The following GRIK5 variants were observed in gnomAD, a reference collection of about 807,000 sequenced individuals.
GRIK5 encodes glutamate receptor ionotropic, kainate 5.
Under a neutral mutation model 97.4 loss-of-function variants are expected in GRIK5, and 43 were observed. The ratio of observed to expected loss-of-function variants is 0.44; its 90% CI spans 0.35 to 0.57. The LOEUF (loss-of-function observed/expected upper bound fraction) is 0.57, where lower values mean the gene tolerates loss of function less well. Ranked by LOEUF, GRIK5 falls within the 20% of genes least tolerant of loss-of-function variation. GRIK5 has a pLI of 0.01. For synonymous variants in GRIK5, 580 were observed against 583.5 expected (o/e 0.99, Z 0.09); for missense variants, 1,015 against 1,382.0 (o/e 0.73, Z 4.21).
intron 11 of GRIK5, among the ~76,000 whole-genome samples, chr19:42,046,023 C>T (rs1177503372): frequency 6.6e-6 from 1 of 152,122 alleles, no homozygotes; most frequent in Non-Finnish European, 1.5e-5. Context: ...ACTGAGAATC[C>T]TAGAGACAAG....
chr19:42,034,828 T>C lies in GRIK5; in HGVS notation c.1473+7724A>G, dbSNP rs552742881. 1.2e-3 allele frequency among the ~76,000 whole-genome samples: 153 copies of C among 131,354 alleles called. 1 individual carries two copies. The South Asian group carries it at 0.027, about 23-fold the overall frequency. The allele number at this position is 131,354 out of a possible 152,430, so 86.2% of individuals were successfully genotyped here. ...ATATTAATATATCATACGCTGTCAG[T>C]TTCCCCCACTAGAACATCAGCAGTT... is the stretch of plus-strand genomic sequence containing the variant. On this transcript the variant is annotated intron_variant, in intron 12 of 19. Transcript: ENST00000593562.
rs377386075 is a variant in GRIK5 at position 42,003,542 on chromosome 19, C to T, written c.2392+13G>A. 127 of 1,607,790 alleles carry T rather than the reference C, an allele frequency of 7.9e-5. No homozygotes were observed. The highest frequency in any genetic ancestry group is 1.7e-4 in the Middle Eastern group (1 of 6,058). On this transcript the variant is annotated intron_variant, in intron 18 of 19. Coordinates refer to ENST00000593562, the MANE Select transcript of GRIK5 (RefSeq NM_002088.5). This position sits in a 1 kb window ranked among gnomAD's most constrained non-coding sequence, Gnocchi z 4.2. ...GGGGCTATGGGAAGGGGACACCATA[C>T]GCGGGAACTGACCTTTAGCTCGATG...
Position 42,021,576 on chromosome 19 carries a change from A to G in GRIK5, c.1698-102T>C. The G allele has an allele frequency of 7.3e-6, 7 of 960,884 alleles. No homozygotes were observed. Among genetic ancestry groups the G allele is most frequent in the Non-Finnish European group, 1.5e-6 (1 of 663,804 alleles). 59.5% of individuals were successfully genotyped at this position (960,884 alleles called of 1,614,324 possible). A position where few individuals can be genotyped will look rare whatever the true frequency, so the allele number is the denominator to read the frequency against. ...CACAGTGATCAGAAGAAAGGGGGAG[A>G]GATGGAAAAAGGAGCAAGATGGACA... On this transcript the variant is annotated intron_variant, in intron 14 of 19. Transcript: ENST00000593562. This position sits in a 1 kb window ranked among gnomAD's most constrained non-coding sequence, Gnocchi z 4.2.
intron 15 of GRIK5, among the ~76,000 whole-genome samples, chr19:42,009,572 A>C (rs1282321554): frequency 6.6e-6 from 1 of 152,008 alleles, no homozygotes; most frequent in Non-Finnish European, 1.5e-5. Context: ...GTTTGCGACC[A>C]GCCTGACTAA....
At chr19:42,014,433 T>G (rs1050925099) in intron 15 of GRIK5, among the ~76,000 whole-genome samples, 1 of 151,618 alleles carries the variant, frequency 6.6e-6, no homozygotes, top group Non-Finnish European at 1.5e-5. Context: ...TCTGGCCCAA[T>G]GCAGAAAAAA....
rs781941247 is a variant in GRIK5, at chr19:42,002,396, G to A, written c.2514+936C>T. The A allele has an allele frequency of 1.8e-5, 13 of 717,644 alleles. No homozygotes were observed. The highest frequency in any genetic ancestry group is 1.8e-4 in the South Asian group (12 of 67,596). 44.5% of individuals were successfully genotyped at this position (717,644 alleles called of 1,614,324 possible). ...AGAGAGGACAACTGATGCTGCAGGAGGAAAGGACAGACTTGCCGGAGGGAT... is the reference window on the plus strand; with the variant it reads ...AGAGAGGACAACTGATGCTGCAGGAAGAAAGGACAGACTTGCCGGAGGGAT... On this transcript the variant is annotated intron_variant, in intron 19 of 19. Transcript: ENST00000593562. This position sits in a 1 kb window ranked among gnomAD's most constrained non-coding sequence, Gnocchi z 5.2.
Position 42,065,857 on chromosome 19 carries a change from A to G in GRIK5, c.-50-37T>C. On this transcript the variant is annotated intron_variant, in intron 1 of 19. Coordinates refer to ENST00000593562, the MANE Select transcript of GRIK5 (RefSeq NM_002088.5). This position sits in a 1 kb window ranked among gnomAD's most constrained non-coding sequence, Gnocchi z 5.8. ...CCCCCCAGACCAAGGGGAGATTACT[A>G]TGTGGTGGGATGGAACCCCTTGGAG... is the stretch of plus-strand genomic sequence containing the variant. 3 of 1,074,160 alleles carry G rather than the reference A, an allele frequency of 2.8e-6. No individual in the cohort carries two copies. The highest frequency in any genetic ancestry group is 1.4e-6 in the Non-Finnish European group (1 of 728,818). 66.5% of individuals were successfully genotyped at this position (1,074,160 alleles called of 1,614,324 possible).
chr19:42,023,084 G>GA (rs892373804), intron 12 of GRIK5, among the ~76,000 whole-genome samples: 4 of 152,032 alleles, frequency 2.6e-5, no homozygotes, highest in African/African-American at 9.7e-5. Flanking sequence ...GGCACAGGCT[G>GA]AAAACAAAAT....
rs534215741 is a variant in GRIK5, at chr19:42,011,452, C to T, written c.1872-4642G>A. Among the ~76,000 whole-genome samples, 19 of 151,070 alleles carry T rather than the reference C, an allele frequency of 1.3e-4. No homozygotes were observed. In the East Asian group the frequency reaches 3.7e-3, roughly 30 times the overall value. On this transcript the variant is annotated intron_variant, in intron 15 of 19. Coordinates refer to ENST00000593562, the MANE Select transcript of GRIK5 (RefSeq NM_002088.5). Reference sequence around the variant, plus strand: ...CCTGTGGTCCCAGCTACTCGGGAGGCTGAGGCAGAAGAATGGCATGAACCC... The same window carrying T: ...CCTGTGGTCCCAGCTACTCGGGAGGTTGAGGCAGAAGAATGGCATGAACCC...
chr19:42,038,593 C>A (rs1262514864), intron 12 of GRIK5, among the ~76,000 whole-genome samples: 1 of 152,248 alleles, frequency 6.6e-6, no homozygotes, highest in Admixed American at 6.5e-5. Context: ...GCCACTCCAT[C>A]AGTGTACTCC....
chr19:42,000,518 C>T (rs1746481456), intron 19 of GRIK5, among the ~76,000 whole-genome samples: 1 of 152,178 alleles, frequency 6.6e-6, no homozygotes, highest in South Asian at 2.1e-4. Context: ...TGGGCAGAAG[C>T]CCAATGTTGG....
intron 3 of GRIK5, chr19:42,063,153 T>C (rs1247631177): frequency 8.1e-6 from 4 of 492,634 alleles, no homozygotes; most frequent in African/African-American, 7.7e-5. Flanking sequence ...CTACAAAGCC[T>C]GTGCCTAGTC....
At chr19:42,011,141 A>ACC (rs1316780998) in intron 15 of GRIK5, among the ~76,000 whole-genome samples, 4 of 150,898 alleles carry the variant, frequency 2.7e-5, no homozygotes, top group Non-Finnish European at 5.9e-5. Context: ...ACACACACAC[A>ACC]CCCCTAATGT....
rs1361605059 is a variant in GRIK5, at chr19:42,062,457, A to G, written c.508+31T>C. On this transcript the variant is annotated intron_variant, in intron 5 of 19. Coordinates refer to ENST00000593562, the MANE Select transcript of GRIK5 (RefSeq NM_002088.5). This position sits in a 1 kb window ranked among gnomAD's most constrained non-coding sequence, Gnocchi z 5.3. ...CTCTTGGGAAGGGGTGTCTGGGGGA[A>G]CAGAAAACAAAACATTCAGTTCTCC... is the stretch of plus-strand genomic sequence containing the variant. 6.2e-7 allele frequency: 1 copy of G among 1,611,428 alleles called. No individual in the cohort carries two copies. The highest frequency in any genetic ancestry group is 8.5e-7 in the Non-Finnish European group (1 of 1,178,376).
chr19:42,049,602 G>A (rs2076086543), intron 11 of GRIK5, among the ~76,000 whole-genome samples: 1 of 152,160 alleles, frequency 6.6e-6, no homozygotes, highest in Non-Finnish European at 1.5e-5. Context: ...AAGCTGAGAT[G>A]GGGGTTAGCC....
intron 1 of GRIK5, among the ~76,000 whole-genome samples, chr19:42,067,306 TA>T (rs2076348123): frequency 6.6e-6 from 1 of 152,200 alleles, no homozygotes. Flanking sequence ...CTGCAAAACC[TA>T]GGCTGGGGAT....
chr19:42,063,982 A>G (rs960070232), intron 3 of GRIK5, among the ~76,000 whole-genome samples: 2 of 152,154 alleles, frequency 1.3e-5, no homozygotes, highest in African/African-American at 4.8e-5. Context: ...TAAGGGCCCC[A>G]CCATTCACAC....
rs2075497426 is a variant in GRIK5, at chr19:42,006,842, G to T, written c.1872-32C>A. 1.9e-6 allele frequency: 3 copies of T among 1,545,490 alleles called. No homozygotes were observed. Among genetic ancestry groups the T allele is most frequent in the Non-Finnish European group, 1.7e-6 (2 of 1,142,898 alleles). ...GGTGGGAGGGGTGAGTCACGGGCTG[G>T]AGTCACCCCTGCTGACCTGCCCCCG... On this transcript the variant is annotated intron_variant, in intron 15 of 19. Coordinates refer to ENST00000593562, the MANE Select transcript of GRIK5 (RefSeq NM_002088.5). The surrounding 1 kb of genome is among the most constrained non-coding windows in gnomAD (Gnocchi z 5.3).
intron 1 of GRIK5, 123 bp downstream of exon 1, chr19:42,069,118 T>C (rs561318108): frequency 4.3e-5 from 18 of 422,586 alleles, no homozygotes; most frequent in African/African-American, 3.7e-4. Context: ...AGGCCCCTAG[T>C]GGGGGAGGGT....
Sources: allele counts gnomAD v4.1 joint callset (sites outside exome capture counted in the v4.1 genomes callset), GRCh38; gene constraint gnomAD v4.1.1; non-coding constraint Gnocchi (gnomAD v3.1); transcripts MANE v1.5; gene names NCBI Gene and HGNC (gene_info 2026-07-23, HGNC 2026-07-21).